The following ATXN1 variants were observed in gnomAD, a reference collection of about 807,000 sequenced individuals.
ATXN1 encodes the protein ataxin 1.
ATXN1 carries 8 observed loss-of-function variants against 56.4 expected under a neutral mutation model. That is an observed-to-expected ratio of 0.14 (90% CI 0.08 to 0.26). The LOEUF (loss-of-function observed/expected upper bound fraction) is 0.26. ATXN1 is among the 10% of genes least tolerant of loss of function. The pLI is 1.00. For missense variants in ATXN1, 987 were observed against 1,106.5 expected (o/e 0.89, Z 1.53); for synonymous variants, 514 against 494.6 (o/e 1.04, Z -0.52).
At chr6:16,634,426 C>T (rs1581315093) in intron 3 of ATXN1, among the ~76,000 whole-genome samples, 1 of 152,034 alleles carries the variant, frequency 6.6e-6, no homozygotes, top group Non-Finnish European at 1.5e-5. Context: ...TTTAAAAAAA[C>T]AGCTTTATTA....
chr6:16,378,790 G>T (rs1762195574), intron 6 of ATXN1, among the ~76,000 whole-genome samples: 1 of 151,998 alleles, frequency 6.6e-6, no homozygotes, highest in Non-Finnish European at 1.5e-5. Flanking sequence ...AAACTCCTGG[G>T]TTCAAGCAGT....
At chr6:16,651,411 G>T (rs1763890056) in intron 3 of ATXN1, among the ~76,000 whole-genome samples, 1 of 152,092 alleles carries the variant, frequency 6.6e-6, no homozygotes, top group Non-Finnish European at 1.5e-5. Context: ...AGGTGTGGTG[G>T]TGCGCACCTG....
intron 3 of ATXN1, among the ~76,000 whole-genome samples, chr6:16,589,757 T>C (rs1345553543): frequency 1.3e-5 from 2 of 152,346 alleles, no homozygotes; most frequent in South Asian, 2.1e-4. Flanking sequence ...TTACAACTTA[T>C]GGGTAAAATG....
At chr6:16,555,447 G>A (rs911113839) in intron 4 of ATXN1, among the ~76,000 whole-genome samples, 2 of 152,102 alleles carry the variant, frequency 1.3e-5, no homozygotes, top group African/African-American at 2.4e-5. Context: ...GGCCCTGGTT[G>A]GCTTCTCCTA....
intron 6 of ATXN1, among the ~76,000 whole-genome samples, chr6:16,379,226 TAAGA>T (rs1478353676): frequency 1.3e-5 from 2 of 152,104 alleles, no homozygotes; most frequent in Non-Finnish European, 2.9e-5. Flanking sequence ...TGCAAAGGCA[TAAGA>T]ATGATACAGC....
chr6:16,561,386 C>T (rs1376410633), intron 4 of ATXN1, among the ~76,000 whole-genome samples: 1 of 152,132 alleles, frequency 6.6e-6, no homozygotes, highest in Non-Finnish European at 1.5e-5. Context: ...CCTCTCCCAC[C>T]CACCTCTCCA....
chr6:16,386,459 G>A (rs1758242398), intron 6 of ATXN1, among the ~76,000 whole-genome samples: 1 of 152,178 alleles, frequency 6.6e-6, no homozygotes, highest in Admixed American at 6.5e-5. Context: ...TTAAACTTTT[G>A]CTTTCAGATC....
intron 6 of ATXN1, among the ~76,000 whole-genome samples, chr6:16,396,772 G>A (rs908759794): frequency 2.0e-5 from 3 of 152,110 alleles, no homozygotes; most frequent in African/African-American, 4.8e-5. Context: ...CCCTATATAG[G>A]TGTGCCCTTT....
At chr6:16,656,088 C>CA (rs35745288) in intron 3 of ATXN1, among the ~76,000 whole-genome samples, 81 of 125,628 alleles carry the variant, frequency 6.4e-4, no homozygotes, top group Admixed American at 1.3e-3. Flanking sequence ...GACTCCATCT[C>CA]AAAAAAAAAA....
chr6:16,331,796 ACTC>A (rs1760998948), intron 6 of ATXN1, among the ~76,000 whole-genome samples: 1 of 152,090 alleles, frequency 6.6e-6, no homozygotes, highest in Non-Finnish European at 1.5e-5. Flanking sequence ...AAACTAGAAA[ACTC>A]CTCTGAAGGT....
chr6:16,509,865 T>C (rs1761049595), intron 5 of ATXN1, among the ~76,000 whole-genome samples: 4 of 152,152 alleles, frequency 2.6e-5, no homozygotes. Flanking sequence ...CTCCCACTTT[T>C]CCCCATCACA....
intron 6 of ATXN1, among the ~76,000 whole-genome samples, chr6:16,398,718 A>T (rs1180068076): frequency 6.6e-6 from 1 of 152,242 alleles, no homozygotes; most frequent in Non-Finnish European, 1.5e-5. Context: ...TTATCCTTGC[A>T]ATATGTCTAA....
Position 16,352,375 on chromosome 6 carries a change from G to A in ATXN1, c.-160-23905C>T, listed in dbSNP as rs563068817. Among the ~76,000 whole-genome samples the A allele has an allele frequency of 3.4e-4, 51 of 152,190 alleles. 1 individual carries two copies. Among genetic ancestry groups the A allele is most frequent in the Non-Finnish European group, 6.5e-4 (44 of 68,034 alleles). ...GCAAGCCAGGAACAGCCAGGCATGA[G>A]TAATGCCTTAGATGGGTGGGTTTTG... is the stretch of plus-strand genomic sequence containing the variant. On this transcript the variant is annotated intron_variant, in intron 6 of 7. Transcript: ENST00000436367.
At chr6:16,673,038 A>G (rs1758580408) in intron 2 of ATXN1, among the ~76,000 whole-genome samples, 3 of 119,538 alleles carry the variant, frequency 2.5e-5, no homozygotes, top group Admixed American at 8.6e-5. Flanking sequence ...AAAAAAAAAG[A>G]AAAGAAAAGA....
At chr6:16,422,394 C>G (rs1264003812) in intron 6 of ATXN1, among the ~76,000 whole-genome samples, 2 of 152,210 alleles carry the variant, frequency 1.3e-5, no homozygotes, top group African/African-American at 4.8e-5. Context: ...TCTGTAACTT[C>G]TAAGACCTTT....
intron 4 of ATXN1, among the ~76,000 whole-genome samples, chr6:16,561,849 T>C (rs1762124918): frequency 6.6e-6 from 1 of 152,086 alleles, no homozygotes; most frequent in African/African-American, 2.4e-5. Flanking sequence ...TATATAATTA[T>C]GGGGAAGCCT....
intron 6 of ATXN1, among the ~76,000 whole-genome samples, chr6:16,341,098 C>T (rs138634232): frequency 8.5e-5 from 13 of 152,338 alleles, no homozygotes; most frequent in African/African-American, 2.9e-4. Flanking sequence ...CCATAGAATA[C>T]TGAACATCCC....
In ATXN1 at chr6:16,301,381, A is replaced by G. The variant is rs1008100567; in HGVS notation, c.*4948T>C. The G allele has an allele frequency of 3.9e-5, 6 of 152,650 alleles. 2 individuals carry two copies. Among genetic ancestry groups the G allele is most frequent in the Admixed American group, 3.9e-4 (6 of 15,282 alleles). The allele number at this position is 152,650 out of a possible 1,614,324, so 9.5% of individuals were successfully genotyped here. On this transcript the variant is annotated 3_prime_UTR_variant, in exon 8 of 8. Transcript: ENST00000436367. The stretch of plus-strand genomic sequence containing the variant: ...GTAAAAGAAATCTCAGCTCCGGAGT[A>G]GAGGTGTGCAAGTTGTTTGGAGTTT...
intron 3 of ATXN1, among the ~76,000 whole-genome samples, chr6:16,625,633 AG>A (rs779447320): frequency 1.3e-5 from 2 of 152,160 alleles, no homozygotes; most frequent in Non-Finnish European, 2.9e-5. Flanking sequence ...GCCAGACATT[AG>A]GGACAAAAAT....
Sources: allele counts gnomAD v4.1 joint callset (sites outside exome capture counted in the v4.1 genomes callset), GRCh38; gene constraint gnomAD v4.1.1; transcripts MANE v1.5; gene names NCBI Gene and HGNC (gene_info 2026-07-23, HGNC 2026-07-21).